SORCS2: variants seen among roughly 807,000 people sequenced by gnomAD.
SORCS2 encodes the protein sortilin related VPS10 domain containing receptor 2.
In SORCS2, 100 loss-of-function variants were observed where a neutral mutation model predicts 141.6. The observed-to-expected ratio is 0.71, with a 90% confidence interval of 0.60 to 0.83. SORCS2 has a LOEUF of 0.83. Ranked by LOEUF, SORCS2 falls within the 40% of genes least tolerant of loss-of-function variation. SORCS2 has a pLI of 0.00. For synonymous variants in SORCS2, 789 were observed against 676.9 expected (o/e 1.17, Z -2.57); for missense variants, 1,646 against 1,560.2 (o/e 1.05, Z -0.93).
intron 24 of SORCS2, among the ~76,000 whole-genome samples, 180 bp from the exon 25 acceptor site, chr4:7,734,092 G>A (rs1031370880): frequency 6.6e-5 from 10 of 151,394 alleles, no homozygotes; most frequent in Non-Finnish European, 1.2e-4. Context: ...GGGAAGGGCT[G>A]GGGAGGGAAT....
intron 3 of SORCS2, among the ~76,000 whole-genome samples, chr4:7,545,851 G>T (rs1713220801): frequency 6.6e-6 from 1 of 152,196 alleles, no homozygotes; most frequent in African/African-American, 2.4e-5. Context: ...ACTCCAAACT[G>T]GGTGACTTAA....
At position 7,715,299 on chromosome 4, in the gene SORCS2, C is replaced by T. The variant is rs749366270; in HGVS notation, c.2240C>T (p.Thr747Ile). The change falls in exon 17 of 27, where the codon ACC becomes ATC. Residue 747 changes from threonine (T) to isoleucine (I), a missense_variant. Transcript: ENST00000507866. ...PDDCALGQTY[T>I]SSLGYRKVVS... ...GACTGTGCCCTGGGCCAGACCTACA[C>T]CAGCAGCCTTGGGTGAGTGTGGGTG... 1.2e-6 allele frequency: 2 copies of T among 1,613,876 alleles called. No homozygotes were observed. The highest frequency in any genetic ancestry group is 1.7e-6 in the Non-Finnish European group (2 of 1,179,886).
intron 1 of SORCS2, among the ~76,000 whole-genome samples, chr4:7,378,471 A>G (rs1367897293): frequency 3.3e-5 from 5 of 152,220 alleles, no homozygotes; most frequent in Non-Finnish European, 7.3e-5. Flanking sequence ...TTCACATGGC[A>G]TCAGGAGAGA....
intron 2 of SORCS2, among the ~76,000 whole-genome samples, chr4:7,521,635 C>T (rs1022195308): frequency 9.2e-5 from 14 of 152,172 alleles, no homozygotes; most frequent in East Asian, 5.8e-4. Context: ...TGAACTGGAA[C>T]GTGACCGAAG....
chr4:7,317,851 C>T (rs114060953), intron 1 of SORCS2, among the ~76,000 whole-genome samples: 1,534 of 152,158 alleles, frequency 0.01, 12 homozygotes, highest in Non-Finnish European at 0.017. Context: ...TACAGAAACC[C>T]GAGAACCCGG....
chr4:7,219,921 C>T (rs1186268339), intron 1 of SORCS2, among the ~76,000 whole-genome samples: 3 of 152,238 alleles, frequency 2.0e-5, no homozygotes, highest in Non-Finnish European at 2.9e-5. Flanking sequence ...TCTGCACCCT[C>T]GTGTTCCACC....
chr4:7,210,971 C>G (rs1452898480), intron 1 of SORCS2, among the ~76,000 whole-genome samples: 5 of 152,170 alleles, frequency 3.3e-5, no homozygotes, highest in African/African-American at 1.2e-4. Context: ...GGAACGGTGA[C>G]CTGGCCTGGG....
rs181433674 is a variant in SORCS2 at position 7,703,793 on chromosome 4, G to A, written c.1761-384G>A. 7.9e-5 allele frequency among the ~76,000 whole-genome samples: 12 copies of A among 152,320 alleles called. No individual in the cohort carries two copies. In the South Asian group the frequency reaches 1.2e-3, roughly 16 times the overall value. ...AACTCGGGACCCAGAAGGCACAGCC[G>A]GAGCAGCTGCCAGGAAGCCAGTATC... On this transcript the variant is annotated intron_variant, in intron 13 of 26. Transcript: ENST00000507866.
chr4:7,421,902 G>C (rs150088058), intron 2 of SORCS2, among the ~76,000 whole-genome samples: 10 of 105,802 alleles, frequency 9.5e-5, no homozygotes, highest in Non-Finnish European at 1.7e-4. Context: ...GGAGAGGGAG[G>C]GCAGGGGCTG....
chr4:7,741,162 G>A lies in SORCS2; in HGVS notation c.*898G>A, dbSNP rs1466721075. 1.3e-5 allele frequency: 5 copies of A among 398,500 alleles called. No individual in the cohort carries two copies. The highest frequency in any genetic ancestry group is 4.4e-5 in the Admixed American group (1 of 22,702). The allele number at this position is 398,500 out of a possible 1,614,324, so 24.7% of individuals were successfully genotyped here. A position where few individuals can be genotyped will look rare whatever the true frequency, so the allele number is the denominator to read the frequency against. On this transcript the variant is annotated 3_prime_UTR_variant, in exon 27 of 27. Transcript: ENST00000507866. ...CCCCAGAAAGGTGGGTGGTGGAGAC[G>A]GCACCAGATGTACCAGTTTTCTGCA... is the stretch of plus-strand genomic sequence containing the variant.
intron 3 of SORCS2, among the ~76,000 whole-genome samples, chr4:7,562,239 G>C (rs944041474): frequency 3.9e-5 from 6 of 152,120 alleles, no homozygotes; most frequent in African/African-American, 1.4e-4. Flanking sequence ...CAATGTGCTC[G>C]ACCCAGGCTG....
intron 2 of SORCS2, among the ~76,000 whole-genome samples, chr4:7,408,876 C>G (rs73084255): frequency 1.3e-4 from 20 of 152,232 alleles, no homozygotes; most frequent in African/African-American, 4.8e-4. Flanking sequence ...CTGCTTGACC[C>G]ATTCTGCTGT....
At chr4:7,633,297 G>C (rs1720016835) in intron 3 of SORCS2, among the ~76,000 whole-genome samples, 1 of 152,132 alleles carries the variant, frequency 6.6e-6, no homozygotes, top group Admixed American at 6.5e-5. Context: ...AGCCTGAGGG[G>C]TGGGAGGTGA....
chr4:7,574,318 C>T (rs1002496629), intron 3 of SORCS2, among the ~76,000 whole-genome samples: 1 of 152,188 alleles, frequency 6.6e-6, no homozygotes, highest in African/African-American at 2.4e-5. Flanking sequence ...AGATGGACTG[C>T]AGTGAAGAGA....
At chr4:7,276,095 G>A (rs1331707518) in intron 1 of SORCS2, among the ~76,000 whole-genome samples, 2 of 152,198 alleles carry the variant, frequency 1.3e-5, no homozygotes, top group Non-Finnish European at 2.9e-5. Context: ...CTCTGTGTGA[G>A]CTGAGCAGCC....
chr4:7,701,711 T>C (rs911363284), intron 12 of SORCS2, among the ~76,000 whole-genome samples: 2 of 152,288 alleles, frequency 1.3e-5, no homozygotes, highest in Non-Finnish European at 2.9e-5. Context: ...TCTTGCAGTG[T>C]GGATTCTCAG....
chr4:7,543,501 A>ATCCATCCATCCG (rs1712875809), intron 3 of SORCS2, among the ~76,000 whole-genome samples: 1 of 145,036 alleles, frequency 6.9e-6, no homozygotes, highest in Non-Finnish European at 1.5e-5. Flanking sequence ...CCATCCATCC[A>ATCCATCCATCCG]TCCATCCATC....
chr4:7,724,820 AT>A (rs1727040176), intron 19 of SORCS2, among the ~76,000 whole-genome samples: 3 of 137,514 alleles, frequency 2.2e-5, no homozygotes, highest in African/African-American at 8.8e-5. Flanking sequence ...GGTGGTGGTG[AT>A]GGCAGTGATG....
chr4:7,683,349 GC>G (rs1485763258), intron 10 of SORCS2, among the ~76,000 whole-genome samples: 2 of 142,802 alleles, frequency 1.4e-5, no homozygotes, highest in East Asian at 4.0e-4. Context: ...CCGCTGAGCG[GC>G]TCTGCTGATC....
Sources: gnomAD v4.1 joint callset for allele counts (sites outside exome capture counted in the v4.1 genomes callset) on GRCh38, gnomAD v4.1.1 for gene constraint, MANE v1.5 for transcripts, NCBI Gene and HGNC (gene_info 2026-07-23, HGNC 2026-07-21) for gene names.